The following NRG1 variants were observed in gnomAD, a reference collection of about 807,000 sequenced individuals.
The protein encoded by NRG1 is neuregulin 1, also known as pro-neuregulin-1, membrane-bound isoform.
A neutral mutation model predicts 63.8 loss-of-function variants in NRG1; 18 were observed. The observed-to-expected ratio is 0.28, with a 90% CI of 0.19 to 0.42. NRG1 has a LOEUF of 0.42. NRG1 is among the 10% of genes least tolerant of loss of function. The probability of loss-of-function intolerance (pLI) is 1.00; values close to 1 mark genes in which losing one functional copy is unlikely to be tolerated. For synonymous variants in NRG1, 302 were observed against 301.3 expected (o/e 1.00, Z -0.02); for missense variants, 762 against 814.7 (o/e 0.94, Z 0.79).
chr8:32,748,782 C>T (rs1448460555), intron 7 of NRG1: 1 of 445,930 alleles, frequency 2.2e-6, no homozygotes. Context: ...TTTTTCCTTA[C>T]AGTTTGAAAA....
intron 1 of NRG1, among the ~76,000 whole-genome samples, chr8:31,959,745 T>G (rs1450711113): frequency 1.3e-5 from 2 of 151,806 alleles, no homozygotes; most frequent in African/African-American, 2.4e-5. Flanking sequence ...ACTAAAAATT[T>G]CCATCCCTTC....
intron 1 of NRG1, among the ~76,000 whole-genome samples, chr8:32,475,303 A>G (rs1824374084): frequency 6.6e-6 from 1 of 151,784 alleles, no homozygotes; most frequent in Non-Finnish European, 1.5e-5. Context: ...CAGCTCTACT[A>G]AAAATACAAA....
At chr8:32,582,297 C>T (rs1010393952) in intron 1 of NRG1, among the ~76,000 whole-genome samples, 2 of 151,654 alleles carry the variant, frequency 1.3e-5, no homozygotes, top group Non-Finnish European at 2.9e-5. Context: ...GATGTTTTAC[C>T]ATGTTGCCCA....
chr8:31,639,870 A>T lies in NRG1; in HGVS notation c.37+439A>T, dbSNP rs1803562907. Reference sequence around the variant, plus strand: ...CCCCCAATAAATAAATAAAAGGAGGAGGGCAAGGGGGGAGGAGGAGGAGTG... The same window carrying T: ...CCCCCAATAAATAAATAAAAGGAGGTGGGCAAGGGGGGAGGAGGAGGAGTG... On this transcript the variant is annotated intron_variant, in intron 1 of 10. Coordinates refer to the NRG1 transcript ENST00000519301. 2.7e-6 allele frequency: 3 copies of T among 1,100,688 alleles called. No individual in the cohort carries two copies. In the East Asian group the frequency reaches 1.8e-4, roughly 65 times the overall value. The allele number at this position is 1,100,688 out of a possible 1,614,324, so 68.2% of individuals were successfully genotyped here. A position where few individuals can be genotyped will look rare whatever the true frequency, so the allele number is the denominator to read the frequency against.
intron 1 of NRG1, among the ~76,000 whole-genome samples, chr8:32,523,499 A>G (rs932613036): frequency 2.0e-5 from 3 of 152,200 alleles, no homozygotes. Flanking sequence ...GGTAATTTCT[A>G]GTACGGTAAA....
In NRG1 at chr8:32,581,252, T is replaced by C. The variant is rs559557077; in HGVS notation, c.101-14576T>C. On this transcript the variant is annotated intron_variant, in intron 1 of 11. Transcript: ENST00000356819. ...AAGGGAATAAAGCCAGTTATCTACA[T>C]GAATAAGGCAGGATCTAGATACTAG... Among the ~76,000 whole-genome samples the C allele has an allele frequency of 2.0e-5, 3 of 152,294 alleles. No individual in the cohort carries two copies. The South Asian group carries it at 6.2e-4, about 32-fold the overall frequency.
chr8:31,823,160 T>G (rs562917085), intron 1 of NRG1, among the ~76,000 whole-genome samples: 1 of 135,914 alleles, frequency 7.4e-6, no homozygotes, highest in South Asian at 2.3e-4. Context: ...TTGCACCAAG[T>G]GACTGATGGC....
intron 1 of NRG1, among the ~76,000 whole-genome samples, chr8:31,870,533 T>A (rs2129611489): frequency 6.6e-6 from 1 of 152,206 alleles, no homozygotes; most frequent in Non-Finnish European, 1.5e-5. Context: ...TACCAGCTCT[T>A]TTTCAGATTT....
intron 1 of NRG1, among the ~76,000 whole-genome samples, chr8:32,549,946 CT>C (rs1346747840): frequency 6.6e-6 from 1 of 152,176 alleles, no homozygotes; most frequent in Non-Finnish European, 1.5e-5. Flanking sequence ...TGAAGCACTT[CT>C]GCAGAATTAA....
intron 1 of NRG1, among the ~76,000 whole-genome samples, chr8:32,048,416 T>C (rs1821393542): frequency 1.4e-5 from 2 of 147,204 alleles, no homozygotes; most frequent in African/African-American, 2.5e-5. Flanking sequence ...TATGAATATA[T>C]GTACATGCAT....
At chr8:32,676,732 TG>T (rs776102919) in intron 5 of NRG1, among the ~76,000 whole-genome samples, 1 of 152,170 alleles carries the variant, frequency 6.6e-6, no homozygotes, top group Non-Finnish European at 1.5e-5. Context: ...CCTTGGTGCC[TG>T]GGGAATGTCT....
exon 12 of NRG1, chr8:32,766,764 C>T (rs1831462501): frequency 6.6e-6 from 1 of 152,112 alleles, no homozygotes; most frequent in South Asian, 2.1e-4. Context: ...ACAGAGGTGG[C>T]ATATTATTAT....
chr8:31,919,699 G>A (rs1833737202), intron 1 of NRG1, among the ~76,000 whole-genome samples: 3 of 151,958 alleles, frequency 2.0e-5, no homozygotes, highest in African/African-American at 7.2e-5. Flanking sequence ...CATTTTCATG[G>A]AACAATGCAT....
chr8:31,849,288 C>T (rs545083576), intron 1 of NRG1, among the ~76,000 whole-genome samples: 9 of 152,328 alleles, frequency 5.9e-5, no homozygotes, highest in African/African-American at 2.2e-4. Flanking sequence ...GGATTTCCAA[C>T]CTTAAATAAG....
chr8:32,159,178 C>T (rs7833021), intron 1 of NRG1, among the ~76,000 whole-genome samples: 123,933 of 152,210 alleles, frequency 0.81, 51,091 homozygotes, highest in African/African-American at 0.92. Context: ...TAGCCACGAT[C>T]GTATAAAACA....
intron 5 of NRG1, among the ~76,000 whole-genome samples, chr8:32,663,706 G>A (rs1315708712): frequency 6.6e-6 from 1 of 152,168 alleles, no homozygotes; most frequent in Non-Finnish European, 1.5e-5. Context: ...AGCAGGAAAA[G>A]TTCTAGACAG....
intron 1 of NRG1, among the ~76,000 whole-genome samples, chr8:32,383,783 A>G (rs1160073133): frequency 6.6e-6 from 1 of 152,362 alleles, no homozygotes; most frequent in African/African-American, 2.4e-5. Context: ...GACAGTGCAG[A>G]CTAGAGGAAA....
chr8:32,479,173 A>G (rs1824903645), intron 1 of NRG1, among the ~76,000 whole-genome samples: 1 of 152,162 alleles, frequency 6.6e-6, no homozygotes, highest in South Asian at 2.1e-4. Flanking sequence ...ACCTTATGGG[A>G]GAATTAAATT....
chr8:32,358,003 G>T (rs1333223431), intron 1 of NRG1, among the ~76,000 whole-genome samples: 3 of 152,162 alleles, frequency 2.0e-5, no homozygotes, highest in Non-Finnish European at 4.4e-5. Flanking sequence ...TTCTGCAGCA[G>T]ATGTGGCTGT....
Sources: allele counts gnomAD v4.1 joint callset (sites outside exome capture counted in the v4.1 genomes callset), GRCh38; gene constraint gnomAD v4.1.1; transcripts MANE v1.5; gene names NCBI Gene and HGNC (gene_info 2026-07-23, HGNC 2026-07-21).